Variants in RNF17 observed in about 807,000 individuals in gnomAD.
The protein encoded by RNF17 is ring finger protein 17.
A neutral mutation model predicts 200.5 loss-of-function variants in RNF17; 31 were observed. The observed-to-expected ratio is 0.15, with a 90% confidence interval of 0.12 to 0.21. RNF17 has a LOEUF of 0.21. RNF17 is among the 10% of genes least tolerant of loss of function. RNF17 has a pLI of 1.00. For synonymous variants in RNF17, 606 were observed against 637.8 expected (o/e 0.95, Z 0.75); for missense variants, 1,628 against 1,905.1 (o/e 0.85, Z 2.71).
At chr13:24,833,630 A>G (rs1168734466) in intron 18 of RNF17, among the ~76,000 whole-genome samples, 1 of 151,542 alleles carries the variant, frequency 6.6e-6, no homozygotes, top group East Asian at 1.9e-4. Flanking sequence ...TTCTCACATA[A>G]TTATTTAATA....
chr13:24,887,020 ATACC>A, the RNF17 span, among the ~76,000 whole-genome samples: 2 of 152,172 alleles, frequency 1.3e-5, no homozygotes, highest in African/African-American at 4.8e-5. Context: ...CACCTTAAAA[ATACC>A]TACAACAGGA....
At chr13:24,751,413 G>A in the RNF17 span, 1 of 151,238 alleles carries the variant, frequency 6.6e-6, no homozygotes, top group African/African-American at 2.4e-5. Flanking sequence ...TCACTTCTAA[G>A]TCTTGTTCTG....
At chr13:24,871,780 G>A (rs1192585163) in intron 32 of RNF17, among the ~76,000 whole-genome samples, 1 of 150,864 alleles carries the variant, frequency 6.6e-6, no homozygotes, top group African/African-American at 2.4e-5. Flanking sequence ...TTATAGGCAC[G>A]CGCCACCACG....
chr13:24,760,297 C>T (rs559878384), upstream of RNF17, among the ~76,000 whole-genome samples: 16 of 152,056 alleles, frequency 1.1e-4, no homozygotes, highest in East Asian at 9.7e-4. Flanking sequence ...CATTATCCAA[C>T]GGGGAAAATA....
intron 15 of RNF17, among the ~76,000 whole-genome samples, chr13:24,812,670 C>A (rs1229261786): frequency 5.3e-5 from 1 of 18,766 alleles, no homozygotes; most frequent in Non-Finnish European, 1.2e-4. Flanking sequence ...CTCCTCCCCT[C>A]CCCGCCCCAC....
At chr13:24,772,426 A>ATTTTTTTTTTTTTTTTTTTT (rs34066913) in intron 2 of RNF17, among the ~76,000 whole-genome samples, 2 of 106,020 alleles carry the variant, frequency 1.9e-5, no homozygotes, top group African/African-American at 3.7e-5. Flanking sequence ...TTGAGTCTCC[A>ATTTTTTTTTTTTTTTTTTTT]TTTTTTTTTT....
chr13:24,763,961 C>G (rs1879141507), upstream of RNF17, among the ~76,000 whole-genome samples: 1 of 152,222 alleles, frequency 6.6e-6, no homozygotes, highest in Non-Finnish European at 1.5e-5. Context: ...AAAGTGGTGA[C>G]TCTTTGGGTA....
the RNF17 span, chr13:24,750,991 A>G: frequency 9.9e-5 from 15 of 152,256 alleles, no homozygotes; most frequent in South Asian, 2.3e-3. Context: ...AAAGATAACA[A>G]TAAGTTACTG....
At chr13:24,880,381 A>G (rs1566271188), downstream of RNF17, among the ~76,000 whole-genome samples, 1 of 152,224 alleles carries the variant, frequency 6.6e-6, no homozygotes, top group Admixed American at 6.5e-5. Flanking sequence ...TTGGGATTAC[A>G]ATTCGAGATT....
At chr13:24,825,800 G>A in intron 16 of RNF17, 28 bp downstream of exon 16, 3 of 1,596,656 alleles carry the variant, frequency 1.9e-6, no homozygotes, top group Non-Finnish European at 2.6e-6. Context: ...GTTTCTACAG[G>A]GAGATGTCAT....
the RNF17 span, among the ~76,000 whole-genome samples, chr13:24,759,092 A>C: frequency 1.9e-3 from 291 of 151,444 alleles, 1 homozygote; most frequent in African/African-American, 6.6e-3. Flanking sequence ...AAAAAAAAAA[A>C]AAAAAAAAAA....
chr13:24,796,325 T>C (rs778056531), intron 11 of RNF17, 30 bp downstream of exon 11: 2 of 1,470,358 alleles, frequency 1.4e-6, no homozygotes, highest in Non-Finnish European at 1.8e-6. Context: ...AGTTAAAATA[T>C]CAAATTTATT....
At chr13:24,853,503 GCCAGATGTCTGTTCTATGTGTGGA>G (rs984758969) in intron 24 of RNF17, among the ~76,000 whole-genome samples, 20 of 152,004 alleles carry the variant, frequency 1.3e-4, no homozygotes, top group Non-Finnish European at 2.6e-4. Flanking sequence ...CTAATAGCTT[GCCAGATGTCTGTTCTATGTGTGGA>G]CTAAATTGAA....
chr13:24,882,866 A>ACTT (rs796638364), downstream of RNF17: 11 of 357,262 alleles, frequency 3.1e-5, no homozygotes, highest in Admixed American at 4.2e-5. Context: ...TACTTCCTGT[A>ACTT]CTTCTTGGTT....
In RNF17 at chr13:24,851,473, G is replaced by T. The variant is rs1340306145; in HGVS notation, c.3222G>T (p.Trp1074Cys). ...QVDSEENNTT[W>C]PLPVKIFCRD... ...CACTACAGGAAAACAACACAACATG[G>T]CCATTACCTGTGAAAATTTTCTGCA... The change falls in exon 24 of 36, where the codon TGG (tryptophan) becomes TGT (cysteine). Residue 1074 changes from tryptophan to cysteine, a missense_variant. Around this residue, in one of 5 missense-constraint regions of RNF17, gnomAD observed 609 missense variants for 681.9 expected, o/e 0.89. Transcript: ENST00000255324. 10 of 1,611,774 alleles carry T rather than the reference G, an allele frequency of 6.2e-6. No individual in the cohort carries two copies. The highest frequency in any genetic ancestry group is 8.5e-6 in the Non-Finnish European group (10 of 1,178,558).
chr13:24,864,050 A>C (rs1316898665), intron 28 of RNF17, among the ~76,000 whole-genome samples: 8 of 152,186 alleles, frequency 5.3e-5, no homozygotes, highest in African/African-American at 9.7e-5. Context: ...GTATTAGATT[A>C]GATAAGAGAG....
chr13:24,874,010 A>G, intron 32 of RNF17, 104 bp from the exon 33 acceptor site: 2 of 1,159,466 alleles, frequency 1.7e-6, no homozygotes, highest in Non-Finnish European at 2.5e-6. Flanking sequence ...ATAGTGCTGC[A>G]ACAAACATGG....
chr13:24,813,222 G>A (rs987961433), intron 15 of RNF17, among the ~76,000 whole-genome samples: 2 of 152,116 alleles, frequency 1.3e-5, no homozygotes, highest in Non-Finnish European at 2.9e-5. Flanking sequence ...GCAGTGGCAT[G>A]ATTGTAAGCT....
At chr13:24,815,991 C>G (rs539398600) in intron 15 of RNF17, among the ~76,000 whole-genome samples, 1 of 152,298 alleles carries the variant, frequency 6.6e-6, no homozygotes, top group Non-Finnish European at 1.5e-5. Flanking sequence ...GCCTCCCAGA[C>G]TCAAGCAGTC....
Sources: allele counts gnomAD v4.1 joint callset (sites outside exome capture counted in the v4.1 genomes callset), GRCh38; gene constraint gnomAD v4.1.1; regional missense constraint gnomAD v4.1.1; transcripts MANE v1.5; gene names NCBI Gene and HGNC (gene_info 2026-07-23, HGNC 2026-07-21).